Variants in MYO7A observed in about 807,000 individuals in gnomAD.
The protein encoded by MYO7A is unconventional myosin-VIIa.
Under a neutral mutation model 263.8 loss-of-function variants are expected in MYO7A, and 210 were observed. The ratio of observed to expected loss-of-function variants is 0.80; its 90% confidence interval spans 0.71 to 0.89. The LOEUF (loss-of-function observed/expected upper bound fraction) is 0.89, where lower values mean the gene tolerates loss of function less well. MYO7A is among the 40% of genes least tolerant of loss of function. The pLI is 0.00. For synonymous variants in MYO7A, 1,239 were observed against 1,197.3 expected (o/e 1.03, Z -0.72); for missense variants, 2,820 against 2,968.3 (o/e 0.95, Z 1.16).
At chr11:77,205,914 C>T (rs1957418179) in intron 40 of MYO7A, among the ~76,000 whole-genome samples, 183 bp from the exon 41 acceptor site, 1 of 152,160 alleles carries the variant, frequency 6.6e-6, no homozygotes, top group African/African-American at 2.4e-5. Context: ...CTGGGCCTCT[C>T]CACACCCATC....
intron 15 of MYO7A, among the ~76,000 whole-genome samples, chr11:77,169,485 G>T (rs1953876120): frequency 6.6e-6 from 1 of 152,184 alleles, no homozygotes; most frequent in Non-Finnish European, 1.5e-5. Context: ...ACGCTCTGGG[G>T]TCTTCCTCTC....
chr11:77,161,221 C>T (rs1952967950), intron 12 of MYO7A, 106 bp downstream of exon 12: 6 of 1,362,214 alleles, frequency 4.4e-6, no homozygotes, highest in South Asian at 4.0e-5. Context: ...CTGGCACACT[C>T]TGCCAGGCTG....
intron 21 of MYO7A, 65 bp from the exon 22 acceptor site, chr11:77,180,309 G>T: frequency 7.0e-7 from 1 of 1,426,638 alleles, no homozygotes; most frequent in South Asian, 1.2e-5. Context: ...GGGTGGAGCT[G>T]GTGGGAATCC....
chr11:77,153,134 T>C (rs1233455993), intron 4 of MYO7A, among the ~76,000 whole-genome samples: 1 of 151,828 alleles, frequency 6.6e-6, no homozygotes, highest in Non-Finnish European at 1.5e-5. Flanking sequence ...GGATAGATTG[T>C]TGGGGGGTTG....
At chr11:77,131,549 G>A (rs1950767939) in intron 2 of MYO7A, among the ~76,000 whole-genome samples, 1 of 152,242 alleles carries the variant, frequency 6.6e-6, no homozygotes, top group Non-Finnish European at 1.5e-5. Context: ...ACGCCCATTA[G>A]AGATGGGCAG....
At chr11:77,194,957 G>A (rs934955765) in intron 32 of MYO7A, among the ~76,000 whole-genome samples, 5 of 152,150 alleles carry the variant, frequency 3.3e-5, no homozygotes, top group Non-Finnish European at 7.4e-5. Context: ...CCCATGACCA[G>A]CCATGAGTGG....
Position 77,213,888 on chromosome 11 carries a change from A to G in MYO7A, c.6467A>G (p.Lys2156Arg), listed in dbSNP as rs375943719. ...ATCCTCACCACTCATCCCTTCACCA[A>G]GATCTCCAACTGGAGCAGCGGCAAC... is the stretch of plus-strand genomic sequence containing the variant. ...KDILTTHPFT[K>R]ISNWSSGNTY... The change falls in exon 48 of 49, where the codon AAG (lysine) becomes AGG (arginine). Residue 2156 changes from lysine (K) to arginine (R), a missense_variant. Transcript: ENST00000409709. 27 of 1,614,046 alleles carry G rather than the reference A, an allele frequency of 1.7e-5. No homozygotes were observed. The highest frequency in any genetic ancestry group is 8.9e-5 in the East Asian group (4 of 44,884).
intron 33 of MYO7A, among the ~76,000 whole-genome samples, chr11:77,198,142 G>C (rs1956802385): frequency 6.6e-6 from 1 of 152,232 alleles, no homozygotes; most frequent in Non-Finnish European, 1.5e-5. Context: ...TGTGTGCCAG[G>C]CCCTGTGCTG....
At chr11:77,212,739 G>A in intron 46 of MYO7A, 1 of 601,126 alleles carries the variant, frequency 1.7e-6, no homozygotes, top group East Asian at 2.8e-5. Context: ...GGAGGACAAA[G>A]CAGAGGATGG....
intron 2 of MYO7A, among the ~76,000 whole-genome samples, chr11:77,142,385 G>A (rs1472070381): frequency 2.0e-5 from 3 of 152,238 alleles, no homozygotes; most frequent in Non-Finnish European, 4.4e-5. Flanking sequence ...CTAGACCCCA[G>A]TGAATCTGTC....
At chr11:77,202,564 TTCTG>T (rs1050402414) in intron 37 of MYO7A, 140 bp downstream of exon 37, 3 of 1,163,656 alleles carry the variant, frequency 2.6e-6, no homozygotes, top group Admixed American at 2.8e-5. Context: ...GGAGGGCTGT[TTCTG>T]TCTGCCAGGA....
intron 44 of MYO7A, among the ~76,000 whole-genome samples, chr11:77,210,147 T>G (rs1257553213): frequency 6.6e-6 from 1 of 152,242 alleles, no homozygotes; most frequent in Non-Finnish European, 1.5e-5. Flanking sequence ...CTTCAAAGGT[T>G]GTCATTATAT....
intron 4 of MYO7A, among the ~76,000 whole-genome samples, chr11:77,152,294 C>T (rs1008110404): frequency 6.6e-6 from 1 of 152,254 alleles, no homozygotes; most frequent in Non-Finnish European, 1.5e-5. Flanking sequence ...GGCCACATCC[C>T]GACCGCCTTT....
At position 77,182,145 on chromosome 11, in the gene MYO7A, T is replaced by G. The variant is rs2135495131; in HGVS notation, c.3099T>G (p.Gly1033=). The G allele has an allele frequency of 6.2e-7, 1 of 1,613,128 alleles. No individual in the cohort carries two copies. The highest frequency in any genetic ancestry group is 1.1e-5 in the South Asian group (1 of 91,058). Residue 1033 remains glycine, a synonymous_variant, in exon 24 of 49, where the codon GGT becomes GGG. Coordinates refer to ENST00000409709, the MANE Select transcript of MYO7A (RefSeq NM_000260.4). ...CACTGCTCTACCATGACGACGAGGGTGACCAGCTGGTAAGGCCTGCCTGTC... is the reference window on the plus strand; with the variant it reads ...CACTGCTCTACCATGACGACGAGGGGGACCAGCTGGTAAGGCCTGCCTGTC... ...KQPLLYHDDE[G]DQLAALAVWI...
intron 2 of MYO7A, among the ~76,000 whole-genome samples, chr11:77,137,031 A>C (rs181535249): frequency 2.6e-5 from 4 of 152,280 alleles, no homozygotes; most frequent in Admixed American, 2.0e-4. Flanking sequence ...TCGTGGTAGA[A>C]TGCCTGGAAG....
intron 38 of MYO7A, 37 bp from the exon 39 acceptor site, chr11:77,204,039 C>G (rs540582097): frequency 1.9e-6 from 3 of 1,563,874 alleles, no homozygotes; most frequent in Non-Finnish European, 2.6e-6. Context: ...CCAGTGCTCC[C>G]TCTATTCGGC....
At chr11:77,133,808 A>G (rs1328864763) in intron 2 of MYO7A, among the ~76,000 whole-genome samples, 3 of 151,786 alleles carry the variant, frequency 2.0e-5, no homozygotes, top group African/African-American at 4.8e-5. Flanking sequence ...TTCCTCCTCA[A>G]TTCCTCATTA....
intron 30 of MYO7A, 25 bp downstream of exon 30, chr11:77,190,895 T>C: frequency 6.6e-7 from 1 of 1,525,212 alleles, no homozygotes; most frequent in Non-Finnish European, 8.8e-7. Context: ...AAGCACCTCC[T>C]CCCGGAAGCA....
chr11:77,214,621 T>G lies in MYO7A; in HGVS notation c.6573T>G (p.Asp2191Glu). The change falls in exon 49 of 49, where the codon GAT becomes GAG. Residue 2191 changes from aspartate to glutamate, a missense_variant. By Grantham distance (45) the Asp-to-Glu change is conservative. Transcript: ENST00000409709. ...CCTGCTTCCAGGGCTACAAGATGGA[T>G]GACCTCCTGACTTCCTACATTAGCC... is the stretch of plus-strand genomic sequence containing the variant. ...LCETSLGYKM[D>E]DLLTSYISQM... 1 of 1,583,328 alleles carries G rather than the reference T, an allele frequency of 6.3e-7. No individual in the cohort carries two copies. Among genetic ancestry groups the G allele is most frequent in the Non-Finnish European group, 8.6e-7 (1 of 1,164,522 alleles).
Sources: gnomAD v4.1 joint callset for allele counts (sites outside exome capture counted in the v4.1 genomes callset) on GRCh38, gnomAD v4.1.1 for gene constraint, MANE v1.5 for transcripts, NCBI Gene and HGNC (gene_info 2026-07-23, HGNC 2026-07-21) for gene names.